The following MCHR2 variants were observed in gnomAD, a reference collection of about 807,000 sequenced individuals.
MCHR2 encodes the protein melanin-concentrating hormone receptor 2.
Under a neutral mutation model 24.8 loss-of-function variants are expected in MCHR2, and 15 were observed. That is an observed-to-expected ratio of 0.60 (90% CI 0.40 to 0.93). The LOEUF is 0.93. Ranked by LOEUF, MCHR2 falls within the 40% of genes least tolerant of loss-of-function variation. The pLI, the probability that MCHR2 is intolerant of heterozygous loss-of-function variation, is 0.00. For missense variants in MCHR2, 386 were observed against 408.7 expected (o/e 0.94, Z 0.48); for synonymous variants, 151 against 147.6 (o/e 1.02, Z -0.17).
At chr6:99,925,516 C>T (rs769742495) in intron 5 of MCHR2, among the ~76,000 whole-genome samples, 2 of 151,962 alleles carry the variant, frequency 1.3e-5, no homozygotes, top group African/African-American at 2.4e-5. Context: ...GTGATTTTCT[C>T]TGGTAATAGG....
intron 4 of MCHR2, among the ~76,000 whole-genome samples, chr6:99,938,123 G>C (rs547853202): frequency 3.2e-4 from 49 of 151,514 alleles, no homozygotes; most frequent in Non-Finnish European, 5.9e-4. Context: ...AGGTTTGTTG[G>C]TTTTGTTTAT....
At position 99,919,599 on chromosome 6, in the gene MCHR2, A is replaced by G. The variant is rs1408427715; in HGVS notation, c.*1341T>C. ...GCATTGTTTCCTTTCCTAACTATATATAAGTCTAAAGAGGAAAGATAGATA... is the reference window on the plus strand; with the variant it reads ...GCATTGTTTCCTTTCCTAACTATATGTAAGTCTAAAGAGGAAAGATAGATA... On this transcript the variant is annotated 3_prime_UTR_variant, in exon 6 of 6. Transcript: ENST00000281806. Among the ~76,000 whole-genome samples the G allele has an allele frequency of 3.3e-5, 5 of 152,192 alleles. No homozygotes were observed. Among genetic ancestry groups the G allele is most frequent in the African/African-American group, 4.8e-5 (2 of 41,448 alleles).
chr6:99,931,140 G>C (rs1349433749), intron 5 of MCHR2, among the ~76,000 whole-genome samples: 1 of 152,172 alleles, frequency 6.6e-6, no homozygotes. Context: ...AGCGGTGGCT[G>C]CAGAACACCG....
chr6:99,929,536 T>C (rs1404088821), intron 5 of MCHR2, among the ~76,000 whole-genome samples: 12 of 152,158 alleles, frequency 7.9e-5, no homozygotes, highest in Non-Finnish European at 1.3e-4. Flanking sequence ...ATTGGGTGCA[T>C]ATATATTTAG....
At chr6:99,975,000 A>T (rs926994123) in intron 1 of MCHR2, among the ~76,000 whole-genome samples, 29 of 152,172 alleles carry the variant, frequency 1.9e-4, no homozygotes, top group Admixed American at 7.2e-4. Context: ...GGTGCCTCCC[A>T]GTTAGGCTGC....
chr6:99,992,977 A>G (rs1450795320), intron 1 of MCHR2, among the ~76,000 whole-genome samples: 1 of 152,116 alleles, frequency 6.6e-6, no homozygotes, highest in African/African-American at 2.4e-5. Flanking sequence ...AGAAAAATGC[A>G]TTATTAAGAA....
At chr6:99,921,924 G>C (rs543561379) in intron 5 of MCHR2, among the ~76,000 whole-genome samples, 1 of 152,104 alleles carries the variant, frequency 6.6e-6, no homozygotes, top group Non-Finnish European at 1.5e-5. Context: ...ATGACTTTCA[G>C]TTCCATCCAT....
chr6:99,980,587 G>A (rs1178636558), intron 1 of MCHR2, among the ~76,000 whole-genome samples: 2 of 151,996 alleles, frequency 1.3e-5, no homozygotes, highest in East Asian at 1.9e-4. Flanking sequence ...ATGAGTGCAA[G>A]TGCGTGAGAG....
rs551661200 is a variant in MCHR2, at chr6:99,970,513, C to T, written c.-27-14339G>A. Reference sequence around the variant, plus strand: ...AAATTTTCTCCCATTTTGTAGGTTGCCTGTTCACTCTGATGGTCGTTTCTT... The same window carrying T: ...AAATTTTCTCCCATTTTGTAGGTTGTCTGTTCACTCTGATGGTCGTTTCTT... On this transcript the variant is annotated intron_variant, in intron 1 of 5. Transcript: ENST00000281806. Among the ~76,000 whole-genome samples, 228 of 152,156 alleles carry T rather than the reference C, an allele frequency of 1.5e-3. 1 individual carries two copies. The highest frequency in any genetic ancestry group is 5.2e-3 in the African/African-American group (215 of 41,492).
intron 3 of MCHR2, among the ~76,000 whole-genome samples, chr6:99,943,993 C>G (rs1434289991): frequency 6.6e-6 from 1 of 152,134 alleles, no homozygotes; most frequent in Non-Finnish European, 1.5e-5. Context: ...AAACATTTTG[C>G]CCTGATGGCT....
chr6:99,931,339 G>A (rs1243825460), intron 5 of MCHR2, among the ~76,000 whole-genome samples: 1 of 152,182 alleles, frequency 6.6e-6, no homozygotes, highest in Non-Finnish European at 1.5e-5. Context: ...CTCCAGCTGT[G>A]TGCTGGGAGA....
intron 1 of MCHR2, among the ~76,000 whole-genome samples, chr6:99,989,119 C>T (rs926152465): frequency 6.6e-6 from 1 of 152,154 alleles, no homozygotes; most frequent in East Asian, 1.9e-4. Context: ...GGTCTAAGAT[C>T]ATATGAAATA....
rs1774207183 is a variant in MCHR2 at position 99,920,803 on chromosome 6, A to G, written c.*137T>C. The G allele has an allele frequency of 1.2e-6, 1 of 811,566 alleles. No individual in the cohort carries two copies. The highest frequency in any genetic ancestry group is 2.0e-6 in the Non-Finnish European group (1 of 504,256). 50.3% of individuals were successfully genotyped at this position (811,566 alleles called of 1,614,324 possible). ...TTAAGCTCATTGTATTTGCATGGTT[A>G]CACTTCTCTTCCATGCTGCTAAGAG... On this transcript the variant is annotated 3_prime_UTR_variant, in exon 6 of 6. Transcript: ENST00000281806.
chr6:99,979,428 G>A (rs966366596), intron 1 of MCHR2, among the ~76,000 whole-genome samples: 1 of 152,098 alleles, frequency 6.6e-6, no homozygotes, highest in African/African-American at 2.4e-5. Flanking sequence ...AGCCACATGT[G>A]GCTACTGAGC....
At chr6:99,971,596 T>C (rs1320978222) in intron 1 of MCHR2, among the ~76,000 whole-genome samples, 1 of 152,176 alleles carries the variant, frequency 6.6e-6, no homozygotes, top group Non-Finnish European at 1.5e-5. Context: ...TCCAACACTA[T>C]GTTGAATGGG....
intron 1 of MCHR2, among the ~76,000 whole-genome samples, chr6:99,993,118 A>G (rs973657766): frequency 5.9e-5 from 9 of 152,194 alleles, no homozygotes; most frequent in Middle Eastern, 3.2e-3. Flanking sequence ...TGGTAGCTTC[A>G]GGGCCATTTT....
intron 1 of MCHR2, among the ~76,000 whole-genome samples, chr6:99,967,922 A>G (rs1245273151): frequency 6.6e-6 from 1 of 152,172 alleles, no homozygotes; most frequent in Non-Finnish European, 1.5e-5. Context: ...CACTTAACAC[A>G]CATTATAGTG....
chr6:99,945,018 G>A (rs1223103368), intron 3 of MCHR2, among the ~76,000 whole-genome samples: 2 of 152,086 alleles, frequency 1.3e-5, no homozygotes, highest in East Asian at 3.9e-4. Context: ...CCCTCTTAGG[G>A]AAGACTTCTC....
At chr6:99,924,705 G>A (rs924021928) in intron 5 of MCHR2, among the ~76,000 whole-genome samples, 1 of 152,010 alleles carries the variant, frequency 6.6e-6, no homozygotes, top group African/African-American at 2.4e-5. Context: ...TGTTTGTATA[G>A]TTTCCAAAAT....
Sources: gnomAD v4.1 joint callset for allele counts (sites outside exome capture counted in the v4.1 genomes callset) on GRCh38, gnomAD v4.1.1 for gene constraint, MANE v1.5 for transcripts, NCBI Gene and HGNC (gene_info 2026-07-23, HGNC 2026-07-21) for gene names.